PHYKPL: variants seen among roughly 807,000 people sequenced by gnomAD.
PHYKPL encodes the protein 5-phosphonooxy-L-lysine phospho-lyase.
A neutral mutation model predicts 51.3 loss-of-function variants in PHYKPL; 42 were observed. The observed-to-expected ratio is 0.82, with a 90% CI of 0.64 to 1.06. The LOEUF (loss-of-function observed/expected upper bound fraction) is 1.06, where lower values mean the gene tolerates loss of function less well. Ranked by LOEUF, PHYKPL falls within the 50% of genes least tolerant of loss-of-function variation. The pLI is 0.00. For synonymous variants in PHYKPL, 264 were observed against 236.0 expected, an observed-to-expected ratio of 1.12 and a Z score of -1.09; for missense variants, 655 against 586.6, an observed-to-expected ratio of 1.12 and a Z score of -1.20.
At chr5:178,207,254 CCTGTGCTG>C, downstream of PHYKPL, 1 of 1,612,496 alleles carries the variant, frequency 6.2e-7, no homozygotes, top group Non-Finnish European at 8.5e-7. Context: ...TGCTTGGCCT[CCTGTGCTG>C]CTGGAGAGCT....
chr5:178,224,740 G>A lies in PHYKPL; in HGVS notation c.414-11C>T, dbSNP rs1366536825. The A allele has an allele frequency of 1.2e-6, 2 of 1,608,314 alleles. No individual in the cohort carries two copies. Among genetic ancestry groups the A allele is most frequent in the East Asian group, 2.2e-5 (1 of 44,792 alleles). The stretch of plus-strand genomic sequence containing the variant: ...TGGCCGTGATACGCACTGGGGAGGA[G>A]AAGGGAGGGTAGGCTCGGGTCCGGG... On this transcript the variant is annotated splice_polypyrimidine_tract_variant and intron_variant, in intron 4 of 12. Coordinates refer to ENST00000308158, the MANE Select transcript of PHYKPL (RefSeq NM_153373.4).
intron 11 of PHYKPL, among the ~76,000 whole-genome samples, chr5:178,212,518 TAG>T (rs1176816509): frequency 1.3e-5 from 2 of 152,178 alleles, no homozygotes; most frequent in South Asian, 2.1e-4. Context: ...GAATGTGGGG[TAG>T]AGTTTTCATT....
Position 178,230,007 on chromosome 5 carries a change from C to G in PHYKPL, c.271G>C (p.Asp91His). 1.2e-6 allele frequency: 2 copies of G among 1,614,250 alleles called. No individual in the cohort carries two copies. Among genetic ancestry groups the G allele is most frequent in the South Asian group, 2.2e-5 (2 of 91,088 alleles). The change falls in exon 3 of 13, where the codon GAC (aspartate) becomes CAC (histidine). Residue 91 changes from aspartate to histidine, a missense_variant. Coordinates refer to ENST00000308158, the MANE Select transcript of PHYKPL (RefSeq NM_153373.4). ...NSRYLHDNIV[D>H]YAQRLSETLP... ...GTCTCTGACAGCCTCTGCGCATAGT[C>G]CACGATGTTGTCATGCAGGTACCGG... is the stretch of plus-strand genomic sequence containing the variant.
At chr5:178,210,680 A>T in intron 12 of PHYKPL, 1 of 1,353,682 alleles carries the variant, frequency 7.4e-7, no homozygotes, top group Non-Finnish European at 1.1e-6. Context: ...ATATGGAGTG[A>T]ACACAATTAT....
At chr5:178,210,212 T>C in intron 12 of PHYKPL, 1 of 1,613,156 alleles carries the variant, frequency 6.2e-7, no homozygotes, top group Non-Finnish European at 8.5e-7. Flanking sequence ...CGGGCCTGGC[T>C]ATGGCGGCTA....
chr5:178,229,791 C>T (rs1489813258), intron 3 of PHYKPL, 149 bp downstream of exon 3: 11 of 909,458 alleles, frequency 1.2e-5, no homozygotes, highest in East Asian at 7.8e-5. Flanking sequence ...AGCATCAGGG[C>T]CTACAGCCGG....
rs933803906 is a variant in PHYKPL, at chr5:178,225,292, CG to C, written c.413+62del. On this transcript the variant is annotated intron_variant, in intron 4 of 12. Transcript: ENST00000308158. Reference sequence around the variant, plus strand: ...CCTAAGGCACCCAGAGTCAGTCTCACGGATCACCAAGAAGCCTGTGGGCCAG... The same window carrying C: ...CCTAAGGCACCCAGAGTCAGTCTCACGATCACCAAGAAGCCTGTGGGCCAG... 1.1e-5 allele frequency: 18 copies of C among 1,588,244 alleles called. No individual in the cohort carries two copies. In the African/African-American group the frequency reaches 2.2e-4, roughly 19 times the overall value.
chr5:178,224,763 G>A (rs777947515), intron 4 of PHYKPL, 34 bp from the exon 5 acceptor site: 155 of 1,548,108 alleles, frequency 1.0e-4, no homozygotes, highest in Non-Finnish European at 1.3e-4. Flanking sequence ...GCTCGGGTCC[G>A]GGCAGCACCT....
Position 178,217,807 on chromosome 5 carries a change from G to A in PHYKPL, c.928-2377C>T, listed in dbSNP as rs1276474962. Reference sequence around the variant, plus strand: ...CGGGAGGCAGAGCTTGCAGTGAGCCGAGATCACACCACTGCACTCCAGCCT... The same window carrying A: ...CGGGAGGCAGAGCTTGCAGTGAGCCAAGATCACACCACTGCACTCCAGCCT... On this transcript the variant is annotated intron_variant, in intron 8 of 12. Coordinates refer to ENST00000308158, the MANE Select transcript of PHYKPL (RefSeq NM_153373.4). Among the ~76,000 whole-genome samples the A allele has an allele frequency of 2.7e-5, 4 of 147,246 alleles. No individual in the cohort carries two copies. In the East Asian group the frequency reaches 6.1e-4, roughly 22 times the overall value.
chr5:178,218,573 G>A (rs58591737), intron 8 of PHYKPL, among the ~76,000 whole-genome samples: 35,135 of 152,136 alleles, frequency 0.23, 4,885 homozygotes, highest in East Asian at 0.43. Context: ...TCAGCAACCC[G>A]GAAGAGGACT....
At position 178,231,641 on chromosome 5, in the gene PHYKPL, C is replaced by T. The variant is rs780384650; in HGVS notation, c.60-118G>A. 24 of 1,603,366 alleles carry T rather than the reference C, an allele frequency of 1.5e-5. No homozygotes were observed. In the African/African-American group the frequency reaches 2.8e-4, roughly 19 times the overall value. On this transcript the variant is annotated intron_variant, in intron 1 of 12. Coordinates refer to ENST00000308158, the MANE Select transcript of PHYKPL (RefSeq NM_153373.4). Reference sequence around the variant, plus strand: ...TCTGGTGGCGGGGGGGAAATGAGAGCTGGAAGGGCAAGGTGCTGCTTCCCT... The same window carrying T: ...TCTGGTGGCGGGGGGGAAATGAGAGTTGGAAGGGCAAGGTGCTGCTTCCCT...
rs1759458111 is a variant in PHYKPL, at chr5:178,214,986, G to C, written c.1083-101C>G. ...TACCTGTGCCTCCTGAGGGGGCTGAGTGCAGGAGGCACCTTCAGAAGGTGG... is the reference window on the plus strand; with the variant it reads ...TACCTGTGCCTCCTGAGGGGGCTGACTGCAGGAGGCACCTTCAGAAGGTGG... On this transcript the variant is annotated intron_variant, in intron 9 of 12. Transcript: ENST00000308158. 2.4e-5 allele frequency: 25 copies of C among 1,059,118 alleles called. No homozygotes were observed. The South Asian group carries it at 3.1e-4, about 13-fold the overall frequency. 65.6% of individuals were successfully genotyped at this position (1,059,118 alleles called of 1,614,324 possible). A position where few individuals can be genotyped will look rare whatever the true frequency, so the allele number is the denominator to read the frequency against.
At position 178,213,052 on chromosome 5, in the gene PHYKPL, G is replaced by A; in HGVS notation, c.1224C>T (p.Ile408=). The change falls in exon 11 of 13, where the codon ATC becomes ATT. Residue 408 remains isoleucine, a synonymous_variant. Coordinates refer to ENST00000308158, the MANE Select transcript of PHYKPL (RefSeq NM_153373.4). The part of the protein sequence containing the change: ...LLSTDGPGRN[I]LKFKPPMCFS... Reference sequence around the variant, plus strand: ...AGCACATTGGGGGCTTAAACTTCAGGATGTTCCTCCCAGGGCCATCAGTGC... The same window carrying A: ...AGCACATTGGGGGCTTAAACTTCAGAATGTTCCTCCCAGGGCCATCAGTGC... The A allele has an allele frequency of 6.2e-7, 1 of 1,614,196 alleles. No individual in the cohort carries two copies. Among genetic ancestry groups the A allele is most frequent in the Admixed American group, 1.7e-5 (1 of 60,016 alleles).
At chr5:178,207,260 C>G (rs1214896187), downstream of PHYKPL, 1 of 1,611,342 alleles carries the variant, frequency 6.2e-7, no homozygotes, top group Non-Finnish European at 8.5e-7. Context: ...GCCTCCTGTG[C>G]TGCTGGAGAG....
In PHYKPL at chr5:178,230,013, T is replaced by A; in HGVS notation, c.265A>T (p.Ile89Phe). Reference protein sequence around the residue: ...NTNSRYLHDNIVDYAQRLSET... With the variant: ...NTNSRYLHDNFVDYAQRLSET... Reference sequence around the variant, plus strand: ...GACAGCCTCTGCGCATAGTCCACGATGTTGTCATGCAGGTACCGGCTGTTG... The same window carrying A: ...GACAGCCTCTGCGCATAGTCCACGAAGTTGTCATGCAGGTACCGGCTGTTG... Residue 89 changes from isoleucine to phenylalanine, a missense_variant, in exon 3 of 13, where the codon ATC becomes TTC. Physicochemically the swap from Ile to Phe is conservative, Grantham distance 21. Coordinates refer to ENST00000308158, the MANE Select transcript of PHYKPL (RefSeq NM_153373.4). 6.2e-7 allele frequency: 1 copy of A among 1,614,220 alleles called. No individual in the cohort carries two copies.
downstream of PHYKPL, among the ~76,000 whole-genome samples, chr5:178,207,989 C>CT (rs1757161624): frequency 2.0e-5 from 3 of 152,168 alleles, no homozygotes; most frequent in Admixed American, 2.0e-4. Context: ...CTGGGCACCT[C>CT]TTTAAGTTAA....
At chr5:178,214,730 G>T in intron 10 of PHYKPL, 66 bp downstream of exon 10, 2 of 1,419,082 alleles carry the variant, frequency 1.4e-6, no homozygotes, top group African/African-American at 1.4e-5. Context: ...CTTTCCACTG[G>T]CCCTGCAAAG....
In PHYKPL at chr5:178,232,573, C is replaced by T. The variant is rs777567457; in HGVS notation, c.-23G>A. 1.6e-6 allele frequency: 2 copies of T among 1,239,494 alleles called. No homozygotes were observed. The highest frequency in any genetic ancestry group is 3.1e-5 in the South Asian group (1 of 31,818). 76.8% of individuals were successfully genotyped at this position (1,239,494 alleles called of 1,614,324 possible). On this transcript the variant is annotated 5_prime_UTR_variant, in exon 1 of 13. Coordinates refer to ENST00000308158, the MANE Select transcript of PHYKPL (RefSeq NM_153373.4). ...CATGGTGGGTGGCCGTCAGTCGGTG[C>T]CGTGACGCCACGCGGAGACGTCGCC... is the stretch of plus-strand genomic sequence containing the variant.
chr5:178,228,555 C>T (rs1441662232), intron 3 of PHYKPL: 2 of 702,606 alleles, frequency 2.8e-6, no homozygotes, highest in East Asian at 5.4e-5. Context: ...AATGTCTGGG[C>T]TCAAGTTCCT....
Sources: allele counts gnomAD v4.1 joint callset (sites outside exome capture counted in the v4.1 genomes callset), GRCh38; gene constraint gnomAD v4.1.1; transcripts MANE v1.5; gene names NCBI Gene and HGNC (gene_info 2026-07-23, HGNC 2026-07-21).